The following SHANK2 variants were observed in gnomAD, a reference collection of about 807,000 sequenced individuals.
SHANK2 encodes SH3 and multiple ankyrin repeat domains 2.
Under a neutral mutation model 133.7 loss-of-function variants are expected in SHANK2, and 43 were observed. That is an observed-to-expected ratio of 0.32 (90% confidence interval 0.25 to 0.41). SHANK2 has a LOEUF of 0.41. SHANK2 is among the 10% of genes least tolerant of loss of function. The pLI is 1.00. For missense variants in SHANK2, 1,994 were observed against 2,235.8 expected, an observed-to-expected ratio of 0.89 and a Z score of 2.18; for synonymous variants, 1,017 against 952.8, an observed-to-expected ratio of 1.07 and a Z score of -1.24.
intron 15 of SHANK2, among the ~76,000 whole-genome samples, chr11:70,680,854 TGGG>T (rs1335365619): frequency 6.6e-6 from 1 of 152,154 alleles, no homozygotes; most frequent in Non-Finnish European, 1.5e-5. Flanking sequence ...GTCCTCCTTG[TGGG>T]GACTCTCAAC....
Position 70,781,558 on chromosome 11 carries a change from T to TTATATATATATATATATATATATATATA in SHANK2, c.1777+16884_1777+16885insTATATATATATATATATATATATATATA, listed in dbSNP as rs1273792106. 5.9e-3 allele frequency among the ~76,000 whole-genome samples: 170 copies of TTATATATATATATATATATATATATATA among 28,904 alleles called. 24 individuals carry two copies. The highest frequency in any genetic ancestry group is 7.4e-3 in the Admixed American group (10 of 1,350). 19.0% of individuals were successfully genotyped at this position (28,904 alleles called of 152,430 possible). A position where few individuals can be genotyped will look rare whatever the true frequency, so the allele number is the denominator to read the frequency against. On this transcript the variant is annotated intron_variant, in intron 14 of 25. Coordinates refer to ENST00000601538, the MANE Select transcript of SHANK2 (RefSeq NM_012309.5). ...AAGCAGCTTGCAATTTACTTACTTATTATATATATATATATATATATATAT... is the reference window on the plus strand; with the variant it reads ...AAGCAGCTTGCAATTTACTTACTTATTATATATATATATATATATATATATATATATATATATATATATATATATATAT...
intron 10 of SHANK2, chr11:70,933,179 G>A (rs782072323): frequency 5.7e-5 from 26 of 456,468 alleles, no homozygotes; most frequent in Non-Finnish European, 7.0e-5. Context: ...AATATTATTC[G>A]GCCATGAAAA....
intron 17 of SHANK2, among the ~76,000 whole-genome samples, chr11:70,529,847 G>A (rs568093241): frequency 2.6e-5 from 4 of 152,280 alleles, no homozygotes; most frequent in Admixed American, 2.0e-4. Context: ...GGTTCACAAC[G>A]TTGGACCAGG....
intron 6 of SHANK2, among the ~76,000 whole-genome samples, chr11:71,100,995 C>T (rs981764013): frequency 6.6e-6 from 1 of 151,956 alleles, no homozygotes; most frequent in African/African-American, 2.4e-5. Context: ...GGAAGCTATG[C>T]TGTGTAATTC....
intron 17 of SHANK2, among the ~76,000 whole-genome samples, chr11:70,567,849 T>G (rs896694915): frequency 3.3e-5 from 5 of 152,158 alleles, no homozygotes; most frequent in Non-Finnish European, 7.3e-5. Flanking sequence ...CAGCCCGAAC[T>G]AAGACAGATG....
intron 6 of SHANK2, 97 bp downstream of exon 6, chr11:71,109,844 G>A (rs559541283): frequency 1.6e-5 from 12 of 758,888 alleles, no homozygotes; most frequent in Non-Finnish European, 2.1e-5. Flanking sequence ...CCAAGTAAAA[G>A]GTAACTGCAG....
rs184653786 is a variant in SHANK2 at position 71,133,805 on chromosome 11, C to T, written c.207+13315G>A. 4.7e-3 allele frequency among the ~76,000 whole-genome samples: 719 copies of T among 152,230 alleles called. 3 individuals carry two copies. Among genetic ancestry groups the T allele is most frequent in the African/African-American group, 0.017 (699 of 41,524 alleles). On this transcript the variant is annotated intron_variant, in intron 3 of 25. Coordinates refer to ENST00000601538, the MANE Select transcript of SHANK2 (RefSeq NM_012309.5). ...GTGCTCATGTCAAGGCAACATATAC[C>T]TAAACTTCTAATTAAGTCTATAATC... is the stretch of plus-strand genomic sequence containing the variant.
In SHANK2 at chr11:70,820,464, C is replaced by T. The variant is rs1555055581; in HGVS notation, c.1393G>A (p.Gly465Arg). The T allele has an allele frequency of 1.4e-6, 1 of 716,448 alleles. No individual in the cohort carries two copies. The highest frequency in any genetic ancestry group is 1.7e-5 in the African/African-American group (1 of 57,252). 44.4% of individuals were successfully genotyped at this position (716,448 alleles called of 1,614,324 possible). A position where few individuals can be genotyped will look rare whatever the true frequency, so the allele number is the denominator to read the frequency against. The part of the protein sequence containing the change: ...SKPEGAAKTI[G>R]SYVPGPRSRS... ...CTGCGGGGCCCGGGCACGTAGCTCC[C>T]AATGGTCTTCGCGGCCCCCTCGGGC... The change falls in exon 12 of 26, where the codon GGG becomes AGG. Residue 465 changes from glycine (G) to arginine (R), a missense_variant. Around this residue, in one of 5 missense-constraint regions of SHANK2, gnomAD observed 653 missense variants for 563.4 expected, o/e 1.16. Transcript: ENST00000601538.
chr11:71,171,443 A>C (rs1270017255), intron 2 of SHANK2, among the ~76,000 whole-genome samples: 1 of 152,214 alleles, frequency 6.6e-6, no homozygotes, highest in Non-Finnish European at 1.5e-5. Context: ...CCCCCAAGTG[A>C]AACAGGGACT....
intron 2 of SHANK2, among the ~76,000 whole-genome samples, chr11:71,168,081 G>A (rs868908814): frequency 3.4e-4 from 33 of 96,890 alleles, no homozygotes; most frequent in African/African-American, 1.2e-3. Context: ...GGCGGTTGCC[G>A]GGCGGAGGGG....
At chr11:70,517,988 C>T (rs2135913621) in intron 17 of SHANK2, among the ~76,000 whole-genome samples, 1 of 152,284 alleles carries the variant, frequency 6.6e-6, no homozygotes, top group South Asian at 2.1e-4. Flanking sequence ...CGGTACTTTT[C>T]ACTCATTTTT....
rs545808339 is a variant in SHANK2, at chr11:71,129,024, C to T, written c.208-9992G>A. ...GGTCTTGATCTCTTGACTCCATGAT[C>T]CATCCGCCTCGGCCTCCCAAAGTGC... On this transcript the variant is annotated intron_variant, in intron 3 of 25. Transcript: ENST00000601538. Among the ~76,000 whole-genome samples, 118 of 152,336 alleles carry T rather than the reference C, an allele frequency of 7.7e-4. 1 individual carries two copies. Among genetic ancestry groups the T allele is most frequent in the African/African-American group, 2.7e-3 (113 of 41,574 alleles).
chr11:71,086,431 AT>A (rs1231731212), intron 8 of SHANK2, among the ~76,000 whole-genome samples: 4 of 128,702 alleles, frequency 3.1e-5, no homozygotes, highest in Non-Finnish European at 4.8e-5. Context: ...CATATTATAT[AT>A]TTATAATTTA....
intron 4 of SHANK2, among the ~76,000 whole-genome samples, chr11:71,116,585 T>C (rs1555100413): frequency 6.6e-6 from 1 of 152,246 alleles, no homozygotes; most frequent in East Asian, 1.9e-4. Context: ...AGTGAAGCTG[T>C]GCTGTTGAGA....
intron 2 of SHANK2, among the ~76,000 whole-genome samples, chr11:71,192,705 A>G (rs542649041): frequency 6.6e-6 from 1 of 152,208 alleles, no homozygotes; most frequent in Non-Finnish European, 1.5e-5. Context: ...GTCTTCAGTC[A>G]TTACTGGAAT....
chr11:70,738,936 G>A (rs1168194813), intron 14 of SHANK2, among the ~76,000 whole-genome samples: 2 of 152,212 alleles, frequency 1.3e-5, no homozygotes, highest in African/African-American at 4.8e-5. Context: ...AAGACAGCGG[G>A]GTCACTGGAC....
In SHANK2 at chr11:71,172,838, G is replaced by A. The variant is rs4945389; in HGVS notation, c.-12-25500C>T. ...GCAGGTGCATGGTCTAGCCCAGCAC[G>A]CCAGGGCAGGCAATGGCAGGTACAC... On this transcript the variant is annotated intron_variant, in intron 2 of 25. Coordinates refer to ENST00000601538, the MANE Select transcript of SHANK2 (RefSeq NM_012309.5). 2.8e-3 allele frequency among the ~76,000 whole-genome samples: 427 copies of A among 152,338 alleles called. 1 individual carries two copies. Among genetic ancestry groups the A allele is most frequent in the Admixed American group, 0.01 (158 of 15,302 alleles).
At chr11:71,104,363 C>G (rs531618923) in intron 6 of SHANK2, among the ~76,000 whole-genome samples, 4 of 152,192 alleles carry the variant, frequency 2.6e-5, no homozygotes, top group African/African-American at 9.6e-5. Context: ...AACACAGGGC[C>G]CCCCCCATCC....
rs927601138 is a variant in SHANK2, at chr11:70,598,236, C to G, written c.2061+61592G>C. 2.6e-5 allele frequency among the ~76,000 whole-genome samples: 4 copies of G among 152,020 alleles called. No individual in the cohort carries two copies. In the South Asian group the frequency reaches 8.3e-4, roughly 32 times the overall value. On this transcript the variant is annotated intron_variant, in intron 17 of 25. Coordinates refer to ENST00000601538, the MANE Select transcript of SHANK2 (RefSeq NM_012309.5). ...GGTCATTTGTCGAATGACCTCAGGG[C>G]CACACAAGTTGGGCTGGAGAGAAGG...
Sources: gnomAD v4.1 joint callset for allele counts (sites outside exome capture counted in the v4.1 genomes callset) on GRCh38, gnomAD v4.1.1 for gene constraint, gnomAD v4.1.1 regional missense constraint, MANE v1.5 for transcripts, NCBI Gene and HGNC (gene_info 2026-07-23, HGNC 2026-07-21) for gene names.